Variants in VPS13C observed in about 807,000 individuals in gnomAD.
The protein encoded by VPS13C is vacuolar protein sorting 13 homolog C.
A neutral mutation model predicts 456.8 loss-of-function variants in VPS13C; 358 were observed. The observed-to-expected ratio is 0.78, with a 90% CI of 0.72 to 0.86. The LOEUF is 0.86. VPS13C is among the 40% of genes least tolerant of loss of function. The probability of loss-of-function intolerance (pLI) is 0.00; values close to 1 mark genes in which losing one functional copy is unlikely to be tolerated. For missense variants in VPS13C, 4,818 were observed against 4,385.4 expected, an observed-to-expected ratio of 1.10 and a Z score of -2.79; for synonymous variants, 1,578 against 1,486.7, an observed-to-expected ratio of 1.06 and a Z score of -1.41.
At chr15:62,030,388 T>A (rs1046884086) in intron 5 of VPS13C, among the ~76,000 whole-genome samples, 2 of 151,914 alleles carry the variant, frequency 1.3e-5, no homozygotes, top group Non-Finnish European at 2.9e-5. Context: ...TTGGGGTGGG[T>A]CCCTCATAAA....
chr15:62,034,060 G>A (rs977730604), intron 4 of VPS13C, among the ~76,000 whole-genome samples: 1 of 151,394 alleles, frequency 6.6e-6, no homozygotes, highest in South Asian at 2.1e-4. Context: ...GATCTATAAT[G>A]ACATATTTAT....
chr15:61,910,576 G>T (rs1263762161), intron 63 of VPS13C, among the ~76,000 whole-genome samples: 1 of 151,992 alleles, frequency 6.6e-6, no homozygotes, highest in Non-Finnish European at 1.5e-5. Context: ...TGTTGATTAA[G>T]AATTATAAAA....
At chr15:62,007,836 G>C (rs1394942901) in intron 14 of VPS13C, among the ~76,000 whole-genome samples, 1 of 152,140 alleles carries the variant, frequency 6.6e-6, no homozygotes, top group African/African-American at 2.4e-5. Flanking sequence ...GAACCGGCAG[G>C]GTGCTCACGT....
At chr15:61,979,929 A>C (rs1194851553) in intron 22 of VPS13C, among the ~76,000 whole-genome samples, 1 of 152,080 alleles carries the variant, frequency 6.6e-6, no homozygotes, top group East Asian at 1.9e-4. Flanking sequence ...CACGTCTGTA[A>C]TCCCAGCACT....
chr15:62,016,246 C>T (rs1305738599), intron 9 of VPS13C, among the ~76,000 whole-genome samples: 1 of 150,872 alleles, frequency 6.6e-6, no homozygotes, highest in African/African-American at 2.4e-5. Context: ...ATATATGGTT[C>T]ACTGTCCTTA....
At chr15:61,868,552 C>G in intron 81 of VPS13C, 107 bp downstream of exon 81, 2 of 868,504 alleles carry the variant, frequency 2.3e-6, no homozygotes, top group Non-Finnish European at 3.7e-6. Context: ...ATGTATAATA[C>G]TTAAAGCAGT....
At chr15:61,963,048 T>C (rs1455279167) in intron 32 of VPS13C, among the ~76,000 whole-genome samples, 196 bp from the exon 33 acceptor site, 1 of 152,102 alleles carries the variant, frequency 6.6e-6, no homozygotes, top group Non-Finnish European at 1.5e-5. Flanking sequence ...TAAACAATGA[T>C]TATGTGACTT....
chr15:61,878,017 G>A (rs1403100087), intron 74 of VPS13C, among the ~76,000 whole-genome samples: 1 of 151,756 alleles, frequency 6.6e-6, no homozygotes, highest in Non-Finnish European at 1.5e-5. Flanking sequence ...TGATTTTTAT[G>A]TGGTTAAATG....
intron 69 of VPS13C, 79 bp from the exon 70 acceptor site, chr15:61,881,907 GCCA>G (rs1487580944): frequency 2.4e-6 from 3 of 1,242,898 alleles, no homozygotes; most frequent in Non-Finnish European, 3.3e-6. Context: ...TATAGAAGAG[GCCA>G]CCACTTTCAT....
At chr15:61,927,789 C>T (rs2043909004) in intron 51 of VPS13C, among the ~76,000 whole-genome samples, 1 of 152,144 alleles carries the variant, frequency 6.6e-6, no homozygotes, top group Non-Finnish European at 1.5e-5. Flanking sequence ...GACTTGGAAC[C>T]AACCCAAATG....
chr15:62,001,139 T>A (rs2046597972), intron 15 of VPS13C, among the ~76,000 whole-genome samples: 1 of 152,236 alleles, frequency 6.6e-6, no homozygotes, highest in Admixed American at 6.5e-5. Flanking sequence ...CCAGGTGACC[T>A]GTGTTCCAAG....
intron 15 of VPS13C, among the ~76,000 whole-genome samples, chr15:62,005,150 G>A (rs980115063): frequency 9.9e-5 from 15 of 152,092 alleles, no homozygotes; most frequent in Non-Finnish European, 2.9e-5. Flanking sequence ...TAATGTGTGG[G>A]ACTCTAAGTC....
intron 50 of VPS13C, among the ~76,000 whole-genome samples, 187 bp downstream of exon 50, chr15:61,930,903 C>T (rs531014957): frequency 2.4e-4 from 37 of 152,276 alleles, no homozygotes; most frequent in African/African-American, 7.9e-4. Flanking sequence ...ATTAAACTTC[C>T]CTTTAACTTA....
chr15:61,958,618 T>C lies in VPS13C; in HGVS notation c.4155A>G (p.Val1385=), dbSNP rs754368445. 1.3e-6 allele frequency: 2 copies of C among 1,566,374 alleles called. No homozygotes were observed. Among genetic ancestry groups the C allele is most frequent in the Non-Finnish European group, 1.7e-6 (2 of 1,155,828 alleles). ...TEDLDKVKPR[V]QETGEIKEPL... is the part of the protein sequence containing the mutation. Reference sequence around the variant, plus strand: ...CTGTCAGCCTCTTACCTGTCTCTTGTACTCTTGGTTTCACTTTATCCAAGT... The same window carrying C: ...CTGTCAGCCTCTTACCTGTCTCTTGCACTCTTGGTTTCACTTTATCCAAGT... Residue 1385 remains valine, a synonymous_variant, in exon 37 of 85, where the codon GTA becomes GTG. Coordinates refer to ENST00000644861, the MANE Select transcript of VPS13C (RefSeq NM_020821.3).
chr15:61,887,548 T>C (rs532045994), intron 67 of VPS13C, among the ~76,000 whole-genome samples: 1 of 151,960 alleles, frequency 6.6e-6, no homozygotes, highest in Non-Finnish European at 1.5e-5. Context: ...AATATCAGCC[T>C]GGCATGGTGG....
intron 16 of VPS13C, among the ~76,000 whole-genome samples, chr15:61,992,814 C>G (rs1485628349): frequency 6.6e-5 from 10 of 151,848 alleles, no homozygotes. Flanking sequence ...AAGCCAAAGC[C>G]CCACCACACA....
chr15:61,887,239 T>C (rs925429681), intron 67 of VPS13C, among the ~76,000 whole-genome samples: 1 of 152,202 alleles, frequency 6.6e-6, no homozygotes, highest in Non-Finnish European at 1.5e-5. Context: ...CTTTCTTACA[T>C]GCCAGCAATA....
At chr15:61,962,711 C>A in intron 33 of VPS13C, 38 bp downstream of exon 33, 1 of 1,429,162 alleles carries the variant, frequency 7.0e-7, no homozygotes, top group South Asian at 1.4e-5. Context: ...CATATTCAGT[C>A]ATTAAAGAAT....
chr15:61,950,909 C>T (rs375191516), intron 40 of VPS13C, 36 bp downstream of exon 40: 158 of 1,388,978 alleles, frequency 1.1e-4, no homozygotes, highest in Non-Finnish European at 1.5e-4. Flanking sequence ...TTCATATATT[C>T]AAATATTAAA....
Sources: allele counts gnomAD v4.1 joint callset (sites outside exome capture counted in the v4.1 genomes callset), GRCh38; gene constraint gnomAD v4.1.1; transcripts MANE v1.5; gene names NCBI Gene and HGNC (gene_info 2026-07-23, HGNC 2026-07-21).